The following SLA variants were observed in gnomAD, a reference collection of about 807,000 sequenced individuals.
SLA encodes the protein Src like adaptor.
Under a neutral mutation model 30.3 loss-of-function variants are expected in SLA, and 16 were observed. The ratio of observed to expected loss-of-function variants is 0.53; its 90% CI spans 0.36 to 0.80. The LOEUF is 0.80. Among genes scored for constraint, SLA ranks in the 30% least tolerant of loss-of-function variants. The pLI is 0.01. For synonymous variants in SLA, 143 were observed against 137.8 expected (o/e 1.04, Z -0.26); for missense variants, 310 against 345.2 (o/e 0.90, Z 0.81).
intron 1 of SLA, among the ~76,000 whole-genome samples, chr8:133,097,833 A>G (rs1183105341): frequency 6.6e-6 from 1 of 152,140 alleles, no homozygotes; most frequent in Non-Finnish European, 1.5e-5. Flanking sequence ...GTATGTAGAG[A>G]GAGAGAAAGA....
intron 7 of SLA, among the ~76,000 whole-genome samples, chr8:133,042,524 A>T (rs1838452583): frequency 6.6e-6 from 1 of 151,968 alleles, no homozygotes; most frequent in Non-Finnish European, 1.5e-5. Flanking sequence ...ATCCTGTGAA[A>T]ATTATTGCAT....
At chr8:133,077,123 GA>G (rs1214031543) in intron 1 of SLA, among the ~76,000 whole-genome samples, 3 of 152,178 alleles carry the variant, frequency 2.0e-5, no homozygotes, top group African/African-American at 4.8e-5. Flanking sequence ...ACTGTAGGAG[GA>G]AAGGAAGCCA....
intron 1 of SLA, among the ~76,000 whole-genome samples, chr8:133,083,636 A>C (rs4236895): frequency 0.24 from 37,008 of 152,134 alleles, 4,762 homozygotes; most frequent in African/African-American, 0.26. Context: ...TGTCAGTGCA[A>C]GAGTCAGTAA....
At chr8:133,094,310 G>A (rs544013432) in intron 1 of SLA, among the ~76,000 whole-genome samples, 2 of 147,052 alleles carry the variant, frequency 1.4e-5, no homozygotes, top group Non-Finnish European at 3.0e-5. Context: ...GTGCGATCTC[G>A]GTCCACTGCA....
intron 1 of SLA, chr8:133,076,759 T>TAAAAAAA (rs35056813): frequency 8.1e-4 from 104 of 128,408 alleles, no homozygotes; most frequent in African/African-American, 2.8e-3. Flanking sequence ...GATTTAGCTG[T>TAAAAAAA]AAAAAAAAAA....
intron 2 of SLA, among the ~76,000 whole-genome samples, chr8:133,067,897 AGGAAGGAAGGAAGGAAGGAAAGAG>A (rs1564145733): frequency 6.0e-5 from 7 of 115,890 alleles, no homozygotes; most frequent in Non-Finnish European, 1.2e-4. Flanking sequence ...TATGTATGGA[AGGAAGGAAGGAAGGAAGGAAAGAG>A]AGAGAGAGAG....
Position 133,038,229 on chromosome 8 carries a change from T to G in SLA, c.*295A>C. ...GCCCTTTCTTGTGAGAGTGGCTTTG[T>G]CCTTCCCACACACACAATGTGTGCA... is the stretch of plus-strand genomic sequence containing the variant. On this transcript the variant is annotated 3_prime_UTR_variant, in exon 9 of 9. Coordinates refer to ENST00000338087, the MANE Select transcript of SLA (RefSeq NM_001045556.3). 2.4e-6 allele frequency: 1 copy of G among 412,660 alleles called. No individual in the cohort carries two copies. The highest frequency in any genetic ancestry group is 4.5e-6 in the Non-Finnish European group (1 of 223,782). The allele number at this position is 412,660 out of a possible 1,614,324, so 25.6% of individuals were successfully genotyped here. A position where few individuals can be genotyped will look rare whatever the true frequency, so the allele number is the denominator to read the frequency against.
chr8:133,055,847 AGCAGCAGCAGCAGCAGCAGC>A (rs1281578096), intron 3 of SLA, among the ~76,000 whole-genome samples: 11 of 81,422 alleles, frequency 1.4e-4, no homozygotes, highest in African/African-American at 5.0e-4. Flanking sequence ...CAGCAGCAGC[AGCAGCAGCAGCAGCAGCAGC>A]AGCAGGGCGC....
Position 133,060,494 on chromosome 8 carries a change from C to G in SLA, c.-40-294G>C, listed in dbSNP as rs1045400670. On this transcript the variant is annotated intron_variant, in intron 2 of 8. Coordinates refer to ENST00000338087, the MANE Select transcript of SLA (RefSeq NM_001045556.3). ...TGCTGAGGATGGTAAGCAGCCACAG[C>G]AGGGTTTGTGTGAGAAACCAAGCAG... 1.1e-5 allele frequency: 9 copies of G among 842,228 alleles called. No individual in the cohort carries two copies. The African/African-American group carries it at 1.6e-4, about 15-fold the overall frequency. 52.2% of individuals were successfully genotyped at this position (842,228 alleles called of 1,614,324 possible). A position where few individuals can be genotyped will look rare whatever the true frequency, so the allele number is the denominator to read the frequency against.
chr8:133,055,349 A>ACG (rs1841187019), intron 3 of SLA, among the ~76,000 whole-genome samples: 9 of 80,538 alleles, frequency 1.1e-4, no homozygotes, highest in Non-Finnish European at 1.7e-4. Context: ...TCTTCAGGAC[A>ACG]CACACACGCA....
At chr8:133,049,470 C>A in intron 5 of SLA, 1 of 286,554 alleles carries the variant, frequency 3.5e-6, no homozygotes. Context: ...CCCTGTCGTT[C>A]TATGTTATGA....
intron 8 of SLA, among the ~76,000 whole-genome samples, chr8:133,039,094 G>A (rs1179798148): frequency 6.6e-6 from 1 of 152,100 alleles, no homozygotes; most frequent in Non-Finnish European, 1.5e-5. Context: ...GGCCAGGCTG[G>A]TCTCAAACTC....
At chr8:133,096,469 G>T in intron 1 of SLA, 3 of 1,467,122 alleles carry the variant, frequency 2.0e-6, no homozygotes, top group Non-Finnish European at 2.8e-6. Context: ...TTGACCAATT[G>T]CTGAGTAACT....
intron 2 of SLA, among the ~76,000 whole-genome samples, chr8:133,070,970 A>G (rs1165185701): frequency 6.6e-6 from 1 of 152,186 alleles, no homozygotes; most frequent in Non-Finnish European, 1.5e-5. Context: ...CATTTTCTGC[A>G]CTTTCTGTCT....
chr8:133,092,205 T>C (rs562206134), intron 1 of SLA, among the ~76,000 whole-genome samples: 12 of 152,154 alleles, frequency 7.9e-5, no homozygotes, highest in Admixed American at 3.3e-4. Context: ...CATCTGTGGT[T>C]GTGTGTGTGG....
chr8:133,098,626 G>A (rs1436594493), intron 1 of SLA, among the ~76,000 whole-genome samples: 2 of 152,196 alleles, frequency 1.3e-5, no homozygotes, highest in Admixed American at 6.5e-5. Flanking sequence ...AAGAGAGGAA[G>A]AACTAATTTT....
intron 1 of SLA, chr8:133,096,463 C>T (rs912934012): frequency 2.7e-6 from 4 of 1,493,674 alleles, no homozygotes; most frequent in Non-Finnish European, 3.7e-6. Flanking sequence ...GAGATATTGA[C>T]CAATTGCTGA....
At chr8:133,073,122 G>A (rs376847392) in intron 2 of SLA, 45 of 152,250 alleles carry the variant, frequency 3.0e-4, no homozygotes, top group African/African-American at 9.9e-4. Context: ...GAAAATACTC[G>A]AAGGGGCAAA....
intron 2 of SLA, among the ~76,000 whole-genome samples, chr8:133,066,029 C>T (rs948261405): frequency 2.6e-5 from 4 of 152,004 alleles, no homozygotes; most frequent in African/African-American, 7.2e-5. Flanking sequence ...AGGAGTGAAT[C>T]GCAAGGAATG....
Sources: gnomAD v4.1 joint callset for allele counts (sites outside exome capture counted in the v4.1 genomes callset) on GRCh38, gnomAD v4.1.1 for gene constraint, MANE v1.5 for transcripts, NCBI Gene and HGNC (gene_info 2026-07-23, HGNC 2026-07-21) for gene names.